The following KIFC3 variants were observed in gnomAD, a reference collection of about 807,000 sequenced individuals.
KIFC3 encodes the protein kinesin family member C3.
Under a neutral mutation model 101.8 loss-of-function variants are expected in KIFC3, and 60 were observed. That is an observed-to-expected ratio of 0.59 (90% CI 0.48 to 0.73). KIFC3 has a LOEUF of 0.73. Ranked by LOEUF, KIFC3 falls within the 30% of genes least tolerant of loss-of-function variation. The pLI is 0.00. For missense variants in KIFC3, 966 were observed against 1,137.1 expected, an observed-to-expected ratio of 0.85 and a Z score of 2.16; for synonymous variants, 476 against 482.7, an observed-to-expected ratio of 0.99 and a Z score of 0.18.
intron 1 of KIFC3, among the ~76,000 whole-genome samples, chr16:57,829,028 C>T (rs1180574489): frequency 6.6e-6 from 1 of 152,202 alleles, no homozygotes; most frequent in Non-Finnish European, 1.5e-5. Context: ...ACTAGGCCAA[C>T]TTCCCCAGTA....
At chr16:57,847,760 T>TTGTGTGTGTG (rs35081728) in intron 1 of KIFC3, among the ~76,000 whole-genome samples, 409 of 139,786 alleles carry the variant, frequency 2.9e-3, no homozygotes, top group Middle Eastern at 3.5e-3. Flanking sequence ...CCAGATGAAT[T>TTGTGTGTGTG]TGTGTGTGTG....
chr16:57,771,685 C>A lies in KIFC3; in HGVS notation c.383G>T (p.Gly128Val), dbSNP rs782697097. ...QEVSRLRSELGGTDLEKHRDL... is the reference protein window; with the variant it reads ...QEVSRLRSELVGTDLEKHRDL... ...CCGGTGCTTCTCCAAGTCGGTGCCCCCCTGCAGAGAGCCAGGGCCGAGGGG... is the reference window on the plus strand; with the variant it reads ...CCGGTGCTTCTCCAAGTCGGTGCCCACCTGCAGAGAGCCAGGGCCGAGGGG... Residue 128 changes from glycine to valine, a missense_variant and splice_region_variant, in exon 5 of 20, where the codon GGG (glycine) becomes GTG (valine). Transcript: ENST00000445690. 5.0e-6 allele frequency: 8 copies of A among 1,610,870 alleles called. No homozygotes were observed. In the South Asian group the frequency reaches 8.8e-5, roughly 18 times the overall value.
At position 57,789,628 on chromosome 16, in the gene KIFC3, C is replaced by T. The variant is rs9927880; in HGVS notation, c.315+5371G>A. Among the ~76,000 whole-genome samples, 620 of 152,320 alleles carry T rather than the reference C, an allele frequency of 4.1e-3. 3 individuals carry two copies. Among genetic ancestry groups the T allele is most frequent in the African/African-American group, 0.014 (594 of 41,572 alleles). ...AAAAGAAAGTTCACAACAGAGAGAA[C>T]GTGAGAAGAGGGGAAAGGAGGTGGC... is the stretch of plus-strand genomic sequence containing the variant. On this transcript the variant is annotated intron_variant, in intron 3 of 19. Coordinates refer to ENST00000445690, the MANE Select transcript of KIFC3 (RefSeq NM_001130100.2).
At chr16:57,828,149 C>T (rs1282721124) in intron 1 of KIFC3, among the ~76,000 whole-genome samples, 1 of 152,232 alleles carries the variant, frequency 6.6e-6, no homozygotes, top group Non-Finnish European at 1.5e-5. Context: ...ATGGAAGAAG[C>T]CACTCTGCGC....
chr16:57,811,457 T>C (rs1025754108), intron 1 of KIFC3, among the ~76,000 whole-genome samples: 1 of 152,158 alleles, frequency 6.6e-6, no homozygotes, highest in African/African-American at 2.4e-5. Context: ...GCGCGATGGC[T>C]CACGCCTATA....
intron 1 of KIFC3, among the ~76,000 whole-genome samples, chr16:57,855,358 C>CTCAAA (rs1253348872): frequency 6.6e-6 from 1 of 151,866 alleles, no homozygotes. Context: ...CACTGGGCCT[C>CTCAAA]ATGTGATCTA....
intron 16 of KIFC3, 121 bp from the exon 17 acceptor site, chr16:57,760,537 G>A (rs2049717319): frequency 1.6e-6 from 2 of 1,249,618 alleles, no homozygotes; most frequent in Non-Finnish European, 2.3e-6. Flanking sequence ...GGATGGGGTG[G>A]GAGGGCAGGC....
At chr16:57,770,396 C>A in intron 7 of KIFC3, 131 bp downstream of exon 7, 1 of 804,834 alleles carries the variant, frequency 1.2e-6, no homozygotes, top group Non-Finnish European at 1.8e-6. Context: ...GCCCTGGGTC[C>A]CGTGGCCATC....
intron 3 of KIFC3, among the ~76,000 whole-genome samples, chr16:57,780,397 G>C (rs1230288698): frequency 6.6e-6 from 1 of 151,886 alleles, no homozygotes; most frequent in Non-Finnish European, 1.5e-5. Flanking sequence ...TGTAGTCCCA[G>C]CTACTCAGGA....
intron 3 of KIFC3, among the ~76,000 whole-genome samples, chr16:57,792,306 C>T (rs1402346993): frequency 3.3e-5 from 5 of 152,226 alleles, no homozygotes; most frequent in African/African-American, 1.2e-4. Context: ...TTGCCTTCAT[C>T]CCTTCGTGAT....
chr16:57,800,178 G>T (rs186894362), intron 1 of KIFC3, among the ~76,000 whole-genome samples: 308 of 152,332 alleles, frequency 2.0e-3, no homozygotes, highest in Non-Finnish European at 3.6e-3. Context: ...TCTGGTGTCT[G>T]ATGTTTGCAG....
intron 1 of KIFC3, among the ~76,000 whole-genome samples, chr16:57,826,497 TA>T (rs2055459402): frequency 1.3e-5 from 2 of 152,284 alleles, no homozygotes; most frequent in South Asian, 4.1e-4. Flanking sequence ...ATTTAAACAT[TA>T]AAAAATATTG....
intron 1 of KIFC3, among the ~76,000 whole-genome samples, chr16:57,858,600 A>G (rs991950962): frequency 2.6e-5 from 4 of 152,020 alleles, no homozygotes; most frequent in Non-Finnish European, 1.5e-5. Context: ...TATCTCACCA[A>G]TTCACAAACA....
Position 57,847,760 on chromosome 16 carries a change from TTGTGTG to T in KIFC3, c.108+14963_108+14968del, listed in dbSNP as rs35081728. 1.0e-2 allele frequency among the ~76,000 whole-genome samples: 1,397 copies of T among 139,776 alleles called. 17 individuals are homozygous for T. Among genetic ancestry groups the T allele is most frequent in the East Asian group, 0.047 (223 of 4,698 alleles). The allele number at this position is 139,776 out of a possible 152,430, so 91.7% of individuals were successfully genotyped here. A position where few individuals can be genotyped will look rare whatever the true frequency, so the allele number is the denominator to read the frequency against. On this transcript the variant is annotated intron_variant, in intron 1 of 2. Transcript: ENST00000563028. Reference sequence around the variant, plus strand: ...GATTAAGTCCAGATGCCAGATGAATTTGTGTGTGTGTGTGTGTGTGTGTGTGTGTGT... The same window carrying T: ...GATTAAGTCCAGATGCCAGATGAATTTGTGTGTGTGTGTGTGTGTGTGTGT...
At chr16:57,826,769 G>C (rs2149286682) in intron 1 of KIFC3, among the ~76,000 whole-genome samples, 1 of 152,306 alleles carries the variant, frequency 6.6e-6, no homozygotes, top group East Asian at 1.9e-4. Flanking sequence ...GTTCTGCTGA[G>C]ACACACAGTG....
intron 14 of KIFC3, 107 bp from the exon 15 acceptor site, chr16:57,761,278 T>G: frequency 6.3e-7 from 1 of 1,576,740 alleles, no homozygotes; most frequent in Admixed American, 1.7e-5. Flanking sequence ...GCAGTTTAGA[T>G]GAGGAAACTG....
At chr16:57,861,610 T>G (rs1008734628) in intron 1 of KIFC3, among the ~76,000 whole-genome samples, 1 of 152,068 alleles carries the variant, frequency 6.6e-6, no homozygotes, top group Non-Finnish European at 1.5e-5. Flanking sequence ...CATAAAACAA[T>G]TTGCACCATG....
rs1372983722 is a variant in KIFC3 at position 57,802,311 on chromosome 16, C to G, written c.-40+59G>C. 1 of 886,224 alleles carries G rather than the reference C, an allele frequency of 1.1e-6. No homozygotes were observed. Among genetic ancestry groups the G allele is most frequent in the South Asian group, 5.2e-5 (1 of 19,372 alleles). The allele number at this position is 886,224 out of a possible 1,614,324, so 54.9% of individuals were successfully genotyped here. Reference sequence around the variant, plus strand: ...GGCCCGGACGCGGCGCCCCAAACGGCGGGCCGGGCAGAGCCCAGCGCCCCG... The same window carrying G: ...GGCCCGGACGCGGCGCCCCAAACGGGGGGCCGGGCAGAGCCCAGCGCCCCG... On this transcript the variant is annotated intron_variant, in intron 1 of 19. Coordinates refer to ENST00000445690, the MANE Select transcript of KIFC3 (RefSeq NM_001130100.2). This position sits in a 1 kb window ranked among gnomAD's most constrained non-coding sequence, Gnocchi z 5.0.
intron 1 of KIFC3, among the ~76,000 whole-genome samples, chr16:57,818,095 C>G (rs797033818): frequency 1.3e-5 from 2 of 151,550 alleles, no homozygotes; most frequent in African/African-American, 4.8e-5. Flanking sequence ...GTGGCGTGAT[C>G]TCTGCTCACT....
Sources: allele counts gnomAD v4.1 joint callset (sites outside exome capture counted in the v4.1 genomes callset), GRCh38; gene constraint gnomAD v4.1.1; non-coding constraint Gnocchi (gnomAD v3.1); transcripts MANE v1.5; gene names NCBI Gene and HGNC (gene_info 2026-07-23, HGNC 2026-07-21).